Variants in AKR1C3 observed in about 807,000 individuals in gnomAD.
The protein encoded by AKR1C3 is 3-alpha hydroxysteroid dehydrogenase, type II.
A neutral mutation model predicts 43.6 loss-of-function variants in AKR1C3; 48 were observed. That is an observed-to-expected ratio of 1.10 (90% CI 0.87 to 1.40). The LOEUF (loss-of-function observed/expected upper bound fraction) is 1.40, where lower values mean the gene tolerates loss of function less well. Ranked by LOEUF, AKR1C3 falls within the 40% of genes most tolerant of loss-of-function variation. The pLI, the probability that AKR1C3 is intolerant of heterozygous loss-of-function variation, is 0.00. For synonymous variants in AKR1C3, 162 were observed against 139.6 expected, an observed-to-expected ratio of 1.16 and a Z score of -1.13; for missense variants, 482 against 391.2, an observed-to-expected ratio of 1.23 and a Z score of -1.96.
chr10:5,069,355 G>A (rs1266638065), intron 1 of AKR1C3, among the ~76,000 whole-genome samples: 6 of 152,158 alleles, frequency 3.9e-5, no homozygotes, highest in African/African-American at 1.4e-4. Context: ...GGCAGAGAGA[G>A]AAATAGAACT....
intron 1 of AKR1C3, chr10:5,048,922 A>G: frequency 6.3e-7 from 1 of 1,587,376 alleles, no homozygotes; most frequent in Non-Finnish European, 8.6e-7. Context: ...TGGTGCAGAG[A>G]GTTGAAAAGA....
chr10:5,099,577 C>T (rs1839298422), intron 5 of AKR1C3, 128 bp downstream of exon 5: 1 of 1,499,038 alleles, frequency 6.7e-7, no homozygotes, highest in Admixed American at 2.1e-5. Context: ...AGCAAAGCTT[C>T]TGTCAAGAAA....
chr10:5,094,394 C>T (rs1330052542), upstream of AKR1C3: 1 of 1,591,748 alleles, frequency 6.3e-7, no homozygotes, highest in Non-Finnish European at 8.6e-7. Flanking sequence ...TTTTTGTAAT[C>T]TCTGAGGAGA....
At chr10:5,052,573 C>A (rs11252904) in intron 1 of AKR1C3, among the ~76,000 whole-genome samples, 1 of 152,012 alleles carries the variant, frequency 6.6e-6, no homozygotes, top group African/African-American at 2.4e-5. Flanking sequence ...CAAGTCCCCA[C>A]CAGAGTAGCT....
At chr10:5,059,907 G>A (rs1277811463) in intron 1 of AKR1C3, among the ~76,000 whole-genome samples, 1 of 151,986 alleles carries the variant, frequency 6.6e-6, no homozygotes, top group Non-Finnish European at 1.5e-5. Context: ...GACCCTCGCA[G>A]TGAGTGTTAC....
rs782113613 is a variant in AKR1C3, at chr10:5,096,380, A to C, written c.85-30A>C. 6 of 1,606,572 alleles carry C rather than the reference A, an allele frequency of 3.7e-6. 1 individual carries two copies. The South Asian group carries it at 6.7e-5, about 18-fold the overall frequency. ...GAACTACCTCTCAGCCACAGTGATCACCAGATACTACCTTTGGTTGCTCCT... is the reference window on the plus strand; with the variant it reads ...GAACTACCTCTCAGCCACAGTGATCCCCAGATACTACCTTTGGTTGCTCCT... On this transcript the variant is annotated intron_variant, in intron 1 of 8. Coordinates refer to ENST00000380554, the MANE Select transcript of AKR1C3 (RefSeq NM_003739.6).
At chr10:5,077,789 C>A (rs1411833955) in intron 1 of AKR1C3, 4 of 861,422 alleles carry the variant, frequency 4.6e-6, no homozygotes, top group African/African-American at 1.8e-5. Flanking sequence ...TTAACATGTT[C>A]CTTGAGGTTG....
chr10:5,094,669 A>T (rs1554784906), intron 1 of AKR1C3, 141 bp downstream of exon 1: 6 of 862,816 alleles, frequency 7.0e-6, no homozygotes, highest in Non-Finnish European at 1.1e-5. Flanking sequence ...AGGAGAAAAA[A>T]GTAGGCAATC....
intron 1 of AKR1C3, among the ~76,000 whole-genome samples, chr10:5,085,199 A>G (rs1838935585): frequency 6.6e-6 from 1 of 151,982 alleles, no homozygotes; most frequent in African/African-American, 2.4e-5. Flanking sequence ...TCAGTATGAT[A>G]TTAGCTGTGG....
chr10:5,105,867 G>A (rs587610391), intron 8 of AKR1C3, among the ~76,000 whole-genome samples, 190 bp downstream of exon 8: 1 of 152,234 alleles, frequency 6.6e-6, no homozygotes, highest in East Asian at 1.9e-4. Flanking sequence ...ATCAGCATGG[G>A]TCAACCTGTG....
chr10:5,057,916 C>T (rs1838296705), intron 1 of AKR1C3, among the ~76,000 whole-genome samples: 1 of 152,146 alleles, frequency 6.6e-6, no homozygotes, highest in Non-Finnish European at 1.5e-5. Context: ...CAAAGGTTTG[C>T]CCTAGACCCT....
chr10:5,102,444 C>T lies in AKR1C3; in HGVS notation c.681-41C>T, dbSNP rs782766350. 2.1e-5 allele frequency: 29 copies of T among 1,359,300 alleles called. 1 individual carries two copies. Among genetic ancestry groups the T allele is most frequent in the South Asian group, 1.3e-4 (9 of 70,528 alleles). The allele number at this position is 1,359,300 out of a possible 1,614,324, so 84.2% of individuals were successfully genotyped here. On this transcript the variant is annotated intron_variant, in intron 6 of 8. Coordinates refer to ENST00000380554, the MANE Select transcript of AKR1C3 (RefSeq NM_003739.6). ...TTTAGGGAGCCGCCTAACAAACTAT[C>T]GCCAGCCTCAGGGCCTCAGCCTTTC...
At chr10:5,106,369 A>G (rs1554787230) in intron 8 of AKR1C3, among the ~76,000 whole-genome samples, 1 of 152,128 alleles carries the variant, frequency 6.6e-6, no homozygotes, top group Non-Finnish European at 1.5e-5. Flanking sequence ...GTTGTATATA[A>G]TTTGTAGCTG....
intron 1 of AKR1C3, among the ~76,000 whole-genome samples, chr10:5,087,670 G>T (rs1163646025): frequency 4.0e-5 from 6 of 151,882 alleles, no homozygotes; most frequent in Admixed American, 1.3e-4. Context: ...ACTTTGTCCA[G>T]CCTCACCTTT....
At chr10:5,064,766 C>T (rs1838459970) in intron 1 of AKR1C3, among the ~76,000 whole-genome samples, 1 of 151,798 alleles carries the variant, frequency 6.6e-6, no homozygotes, top group Admixed American at 6.6e-5. Context: ...TTGTGGCAAA[C>T]ATATGAAAAA....
intron 1 of AKR1C3, among the ~76,000 whole-genome samples, chr10:5,083,412 AT>A (rs1229066121): frequency 2.0e-5 from 3 of 152,088 alleles, no homozygotes; most frequent in Non-Finnish European, 2.9e-5. Flanking sequence ...TGAACTCATC[AT>A]TTTTTATGGC....
At chr10:5,052,801 C>T (rs529222668) in intron 1 of AKR1C3, among the ~76,000 whole-genome samples, 16 of 152,134 alleles carry the variant, frequency 1.1e-4, no homozygotes, top group African/African-American at 3.4e-4. Context: ...TACAGAGTGT[C>T]GATTGGTGCA....
chr10:5,064,212 A>T (rs1342421638), intron 1 of AKR1C3, among the ~76,000 whole-genome samples: 2 of 152,188 alleles, frequency 1.3e-5, no homozygotes, highest in African/African-American at 4.8e-5. Flanking sequence ...GTCACCCATG[A>T]GGGTACTAGT....
chr10:5,053,506 G>A (rs1460316290), intron 1 of AKR1C3, among the ~76,000 whole-genome samples: 4 of 152,374 alleles, frequency 2.6e-5, no homozygotes, highest in African/African-American at 9.6e-5. Context: ...TGCAAGCTGA[G>A]GGAGATGGCT....
Sources: gnomAD v4.1 joint callset for allele counts (sites outside exome capture counted in the v4.1 genomes callset) on GRCh38, gnomAD v4.1.1 for gene constraint, MANE v1.5 for transcripts, NCBI Gene and HGNC (gene_info 2026-07-23, HGNC 2026-07-21) for gene names.